The following FRMD5 variants were observed in gnomAD, a reference collection of about 807,000 sequenced individuals.
The protein encoded by FRMD5 is FERM domain containing 5, also known as FERM domain-containing protein 5.
A neutral mutation model predicts 69.0 loss-of-function variants in FRMD5; 20 were observed. The ratio of observed to expected loss-of-function variants is 0.29; its 90% confidence interval spans 0.20 to 0.42. The LOEUF (loss-of-function observed/expected upper bound fraction) is 0.42. Ranked by LOEUF, FRMD5 falls within the 10% of genes least tolerant of loss-of-function variation. The probability of loss-of-function intolerance (pLI) is 1.00; values close to 1 mark genes in which losing one functional copy is unlikely to be tolerated. For missense variants in FRMD5, 595 were observed against 708.6 expected (o/e 0.84, Z 1.82); for synonymous variants, 271 against 260.1 (o/e 1.04, Z -0.40).
chr15:44,146,205 A>G (rs1327451744), intron 1 of FRMD5, among the ~76,000 whole-genome samples: 2 of 151,844 alleles, frequency 1.3e-5, no homozygotes, highest in Admixed American at 1.3e-4. Flanking sequence ...TTCCGTGTCC[A>G]TGTGTTCTCA....
chr15:44,071,508 C>T (rs566211918), intron 1 of FRMD5, among the ~76,000 whole-genome samples: 14 of 152,278 alleles, frequency 9.2e-5, no homozygotes, highest in African/African-American at 2.9e-4. Context: ...AAACTCTCTC[C>T]TCCCTACTTA....
chr15:44,111,853 C>T (rs1263291327), intron 1 of FRMD5, among the ~76,000 whole-genome samples: 1 of 145,124 alleles, frequency 6.9e-6, no homozygotes, highest in Non-Finnish European at 1.5e-5. Context: ...CTCTCTTTTC[C>T]TTTTTTTTTT....
At chr15:44,187,510 T>C (rs1276063356) in intron 1 of FRMD5, among the ~76,000 whole-genome samples, 1 of 152,062 alleles carries the variant, frequency 6.6e-6, no homozygotes, top group African/African-American at 2.4e-5. Context: ...AGTAGTCTGC[T>C]GTTAACTCAG....
At chr15:44,100,766 T>C (rs1247505580) in intron 1 of FRMD5, among the ~76,000 whole-genome samples, 1 of 152,172 alleles carries the variant, frequency 6.6e-6, no homozygotes, top group Non-Finnish European at 1.5e-5. Context: ...AAGAAGTTGC[T>C]GTATGGAAAG....
rs1567199954 is a variant in FRMD5 at position 43,873,758 on chromosome 15, G to A, written c.*127C>T. The A allele has an allele frequency of 2.0e-6, 3 of 1,530,722 alleles. No homozygotes were observed. Among genetic ancestry groups the A allele is most frequent in the African/African-American group, 1.4e-5 (1 of 72,194 alleles). The allele number at this position is 1,530,722 out of a possible 1,614,324, so 94.8% of individuals were successfully genotyped here. Reference sequence around the variant, plus strand: ...GGGAAACACCCTCCTAGGCTGCAGTGGACTTTGAGTCATGAGAGGAGGACT... The same window carrying A: ...GGGAAACACCCTCCTAGGCTGCAGTAGACTTTGAGTCATGAGAGGAGGACT... On this transcript the variant is annotated 3_prime_UTR_variant, in exon 14 of 14. Transcript: ENST00000417257.
intron 1 of FRMD5, among the ~76,000 whole-genome samples, chr15:43,962,897 A>G (rs1025920678): frequency 4.6e-5 from 7 of 152,242 alleles, no homozygotes; most frequent in Non-Finnish European, 8.8e-5. Flanking sequence ...CCTTATAGAA[A>G]AATTAATTCA....
chr15:44,145,152 T>A (rs894231129), intron 1 of FRMD5, among the ~76,000 whole-genome samples: 1 of 152,168 alleles, frequency 6.6e-6, no homozygotes, highest in African/African-American at 2.4e-5. Context: ...GCCCTACCTA[T>A]AAAAGCCTCC....
intron 1 of FRMD5, among the ~76,000 whole-genome samples, chr15:43,957,255 G>T (rs903345146): frequency 6.6e-6 from 1 of 152,024 alleles, no homozygotes; most frequent in African/African-American, 2.4e-5. Context: ...GAGTACAGTG[G>T]TGAGATCTTG....
rs546824135 is a variant in FRMD5 at position 44,063,173 on chromosome 15, C to T, written c.102+131780G>A. ...AAGAGTTTGTATAGAACTAGTACAA[C>T]GTATAAGTAAATCTATCTAGGAATA... On this transcript the variant is annotated intron_variant, in intron 1 of 13. Coordinates refer to ENST00000417257, the MANE Select transcript of FRMD5 (RefSeq NM_032892.5). 6.6e-5 allele frequency among the ~76,000 whole-genome samples: 10 copies of T among 152,170 alleles called. 1 individual carries two copies. Among genetic ancestry groups the T allele is most frequent in the South Asian group, 6.2e-4 (3 of 4,820 alleles).
chr15:44,036,350 C>T (rs963458200), intron 1 of FRMD5, among the ~76,000 whole-genome samples: 5 of 150,680 alleles, frequency 3.3e-5, no homozygotes, highest in African/African-American at 1.2e-4. Flanking sequence ...CTCTTATCTT[C>T]AAATTAAAAA....
chr15:44,117,117 A>AC (rs2076880746), intron 1 of FRMD5, among the ~76,000 whole-genome samples: 1 of 152,062 alleles, frequency 6.6e-6, no homozygotes, highest in Non-Finnish European at 1.5e-5. Context: ...AAAAAAAAAA[A>AC]AAGTGTGAAT....
chr15:43,995,929 C>T (rs1273552490), intron 1 of FRMD5, among the ~76,000 whole-genome samples: 1 of 152,092 alleles, frequency 6.6e-6, no homozygotes, highest in Non-Finnish European at 1.5e-5. Flanking sequence ...GACCCTGGAT[C>T]TGCTAGAACA....
At chr15:44,043,425 T>C (rs1399011800) in intron 1 of FRMD5, among the ~76,000 whole-genome samples, 3 of 152,156 alleles carry the variant, frequency 2.0e-5, no homozygotes, top group African/African-American at 7.2e-5. Flanking sequence ...AAAAAACTAC[T>C]TTAACTTTCA....
chr15:43,905,136 T>G (rs74605908), intron 6 of FRMD5, among the ~76,000 whole-genome samples: 4 of 126,554 alleles, frequency 3.2e-5, no homozygotes, highest in Non-Finnish European at 6.5e-5. Flanking sequence ...CAACCTCTCC[T>G]TTTTTTTTTT....
intron 1 of FRMD5, among the ~76,000 whole-genome samples, chr15:44,150,625 C>CTT (rs201159673): frequency 3.0e-5 from 4 of 133,458 alleles, no homozygotes; most frequent in South Asian, 2.4e-4. Context: ...CTACAAAATT[C>CTT]TTTTTTTTTT....
intron 1 of FRMD5, among the ~76,000 whole-genome samples, chr15:44,073,684 T>A (rs916892675): frequency 2.6e-5 from 4 of 152,156 alleles, no homozygotes; most frequent in African/African-American, 9.7e-5. Flanking sequence ...GGATGCCTAG[T>A]CCTGATCTCA....
At chr15:44,066,429 G>A (rs926898622) in intron 1 of FRMD5, among the ~76,000 whole-genome samples, 2 of 152,112 alleles carry the variant, frequency 1.3e-5, no homozygotes, top group Non-Finnish European at 2.9e-5. Flanking sequence ...CTGGTGGAAG[G>A]GGAAGAGATG....
Position 43,981,401 on chromosome 15 carries a change from C to T in FRMD5, c.103-57092G>A, listed in dbSNP as rs144744716. On this transcript the variant is annotated intron_variant, in intron 1 of 13. Coordinates refer to ENST00000417257, the MANE Select transcript of FRMD5 (RefSeq NM_032892.5). ...AATGGATTATCATAAAGGTCTTTAT[C>T]CTTGTCTTCATGTTGAGTAGGCTGA... Among the ~76,000 whole-genome samples the T allele has an allele frequency of 4.3e-3, 652 of 152,126 alleles. 2 individuals carry two copies. Among genetic ancestry groups the T allele is most frequent in the Non-Finnish European group, 6.0e-3 (411 of 67,992 alleles).
At chr15:44,063,264 C>T (rs1217272221) in intron 1 of FRMD5, among the ~76,000 whole-genome samples, 1 of 152,152 alleles carries the variant, frequency 6.6e-6, no homozygotes, top group Non-Finnish European at 1.5e-5. Flanking sequence ...CATAGGACTA[C>T]TCCAGTTATC....
Sources: gnomAD v4.1 joint callset for allele counts (sites outside exome capture counted in the v4.1 genomes callset) on GRCh38, gnomAD v4.1.1 for gene constraint, MANE v1.5 for transcripts, NCBI Gene and HGNC (gene_info 2026-07-23, HGNC 2026-07-21) for gene names.